SPSB1: variants seen among roughly 807,000 people sequenced by gnomAD.
SPSB1 encodes the protein SPRY domain-containing SOCS box protein 1.
Under a neutral mutation model 21.2 loss-of-function variants are expected in SPSB1, and 8 were observed. The ratio of observed to expected loss-of-function variants is 0.38; its 90% CI spans 0.22 to 0.68. The LOEUF is 0.68. Among genes scored for constraint, SPSB1 ranks in the 30% least tolerant of loss-of-function variants. The pLI, the probability that SPSB1 is intolerant of heterozygous loss-of-function variation, is 0.53. For synonymous variants in SPSB1, 169 were observed against 161.7 expected (o/e 1.05, Z -0.34); for missense variants, 242 against 377.8 (o/e 0.64, Z 2.98).
At chr1:9,355,064 C>T (rs1212224142) in intron 1 of SPSB1, among the ~76,000 whole-genome samples, 4 of 152,182 alleles carry the variant, frequency 2.6e-5, no homozygotes, top group Non-Finnish European at 5.9e-5. Flanking sequence ...TCCCGGGGGT[C>T]GGGGGATGAG....
intron 1 of SPSB1, among the ~76,000 whole-genome samples, chr1:9,326,730 C>T (rs1007738414): frequency 2.0e-5 from 3 of 152,212 alleles, no homozygotes; most frequent in Non-Finnish European, 4.4e-5. Flanking sequence ...CAGCCGTCTT[C>T]CCTCCCACTG....
intron 1 of SPSB1, among the ~76,000 whole-genome samples, chr1:9,343,363 ACCT>A (rs372405560): frequency 0.24 from 36,397 of 151,924 alleles, 4,347 homozygotes; most frequent in Middle Eastern, 0.31. Context: ...ACAATGTGTG[ACCT>A]TTTATATCTG....
Position 9,324,540 on chromosome 1 carries a change from A to C in SPSB1, c.-149-31203A>C, listed in dbSNP as rs1434349123. 1.3e-5 allele frequency among the ~76,000 whole-genome samples: 2 copies of C among 151,888 alleles called. No homozygotes were observed. The highest frequency in any genetic ancestry group is 2.9e-5 in the Non-Finnish European group (2 of 67,970). On this transcript the variant is annotated intron_variant, in intron 1 of 2. Coordinates refer to ENST00000328089, the MANE Select transcript of SPSB1 (RefSeq NM_025106.4). This position sits in a 1 kb window ranked among gnomAD's most constrained non-coding sequence, Gnocchi z 4.3. Reference sequence around the variant, plus strand: ...GGGACTCGGTGTGTCCGATGAGGAAACCAGCTTGGGTGGGGAGGGGGAGTC... The same window carrying C: ...GGGACTCGGTGTGTCCGATGAGGAACCCAGCTTGGGTGGGGAGGGGGAGTC...
chr1:9,368,701 C>T lies in SPSB1; in HGVS notation c.*1126C>T, dbSNP rs1640616602. ...GGAGGGCGAGTGGGTCTCCATTCCC[C>T]GAGAAGCCGGGGGCAGGGTGGGATG... On this transcript the variant is annotated 3_prime_UTR_variant, in exon 3 of 3. Coordinates refer to ENST00000328089, the MANE Select transcript of SPSB1 (RefSeq NM_025106.4). 6.6e-6 allele frequency: 1 copy of T among 152,044 alleles called. No homozygotes were observed. Among genetic ancestry groups the T allele is most frequent in the African/African-American group, 2.4e-5 (1 of 41,454 alleles). The allele number at this position is 152,044 out of a possible 1,614,324, so 9.4% of individuals were successfully genotyped here.
chr1:9,367,322 A>G lies in SPSB1; in HGVS notation c.695-126A>G. On this transcript the variant is annotated intron_variant, in intron 2 of 2. Coordinates refer to ENST00000328089, the MANE Select transcript of SPSB1 (RefSeq NM_025106.4). This position sits in a 1 kb window ranked among gnomAD's most constrained non-coding sequence, Gnocchi z 5.9. ...TAAATTTAAAATGAAAAAGCATTGCATTTTTCATTGTTTCTTTACTGATTT... is the reference window on the plus strand; with the variant it reads ...TAAATTTAAAATGAAAAAGCATTGCGTTTTTCATTGTTTCTTTACTGATTT... 1 of 1,525,810 alleles carries G rather than the reference A, an allele frequency of 6.6e-7. No homozygotes were observed. Among genetic ancestry groups the G allele is most frequent in the Non-Finnish European group, 8.9e-7 (1 of 1,117,984 alleles). 94.5% of individuals were successfully genotyped at this position (1,525,810 alleles called of 1,614,324 possible).
chr1:9,324,052 C>T lies in SPSB1; in HGVS notation c.-150+30981C>T, dbSNP rs1639771243. Among the ~76,000 whole-genome samples the T allele has an allele frequency of 6.6e-6, 1 of 152,224 alleles. No homozygotes were observed. The highest frequency in any genetic ancestry group is 6.5e-5 in the Admixed American group (1 of 15,286). On this transcript the variant is annotated intron_variant, in intron 1 of 2. Coordinates refer to ENST00000328089, the MANE Select transcript of SPSB1 (RefSeq NM_025106.4). This position sits in a 1 kb window ranked among gnomAD's most constrained non-coding sequence, Gnocchi z 4.3. ...TCGGGCCGCAGAACCCCTCCTCAGG[C>T]CAGCCTGGTTGCTCTGAGCCTGGTT...
At chr1:9,319,661 T>C (rs1391254013) in intron 1 of SPSB1, among the ~76,000 whole-genome samples, 1 of 152,142 alleles carries the variant, frequency 6.6e-6, no homozygotes, top group Non-Finnish European at 1.5e-5. Flanking sequence ...GTGCAGAGGA[T>C]GCTGCGGGAG....
chr1:9,300,129 C>T (rs1639303529), intron 1 of SPSB1, among the ~76,000 whole-genome samples: 1 of 152,062 alleles, frequency 6.6e-6, no homozygotes, highest in South Asian at 2.1e-4. Flanking sequence ...GGGACCTTCT[C>T]CCTTAGTGAA....
At chr1:9,313,777 T>A in intron 1 of SPSB1, among the ~76,000 whole-genome samples, 1 of 152,230 alleles carries the variant, frequency 6.6e-6, no homozygotes, top group East Asian at 1.9e-4. Flanking sequence ...CTTCAGTGGC[T>A]GGCCCTCAGC....
At chr1:9,320,457 G>T (rs1639700421) in intron 1 of SPSB1, among the ~76,000 whole-genome samples, 1 of 152,176 alleles carries the variant, frequency 6.6e-6, no homozygotes, top group Non-Finnish European at 1.5e-5. Context: ...ATTTGATTGG[G>T]AGGCCTCTCG....
intron 1 of SPSB1, among the ~76,000 whole-genome samples, chr1:9,300,810 TCTTA>T (rs572255636): frequency 1.5e-3 from 223 of 152,320 alleles, no homozygotes; most frequent in Non-Finnish European, 2.7e-3. Flanking sequence ...GGCCCATGGT[TCTTA>T]CTTTGCCCAC....
intron 1 of SPSB1, among the ~76,000 whole-genome samples, chr1:9,352,096 T>A (rs1371603687): frequency 6.6e-6 from 1 of 151,704 alleles, no homozygotes; most frequent in Non-Finnish European, 1.5e-5. Context: ...GGAGGGAAGG[T>A]GGGTGGAGGT....
At chr1:9,304,057 C>T (rs1273864529) in intron 1 of SPSB1, among the ~76,000 whole-genome samples, 2 of 152,168 alleles carry the variant, frequency 1.3e-5, no homozygotes, top group Non-Finnish European at 2.9e-5. Context: ...GGTCAGCCAC[C>T]GTCCAATCAG....
intron 1 of SPSB1, among the ~76,000 whole-genome samples, chr1:9,349,774 T>G (rs1421007038): frequency 2.0e-5 from 3 of 152,218 alleles, no homozygotes; most frequent in Non-Finnish European, 4.4e-5. Flanking sequence ...CCCACCGTTT[T>G]ATGGCTGTTT....
rs1034904191 is a variant in SPSB1, at chr1:9,318,373, G to A, written c.-150+25302G>A. On this transcript the variant is annotated intron_variant, in intron 1 of 2. Transcript: ENST00000328089. ...AGTGTAGGACCCTGCCTGAGGCACAGCATTTCCAGGCTGCCTTGCGGACAG... is the reference window on the plus strand; with the variant it reads ...AGTGTAGGACCCTGCCTGAGGCACAACATTTCCAGGCTGCCTTGCGGACAG... 1.6e-4 allele frequency among the ~76,000 whole-genome samples: 24 copies of A among 152,264 alleles called. 1 individual carries two copies. Among genetic ancestry groups the A allele is most frequent in the African/African-American group, 5.8e-4 (24 of 41,476 alleles).
rs1428313460 is a variant in SPSB1 at position 9,324,431 on chromosome 1, G to T, written c.-149-31312G>T. Among the ~76,000 whole-genome samples the T allele has an allele frequency of 6.6e-6, 1 of 152,104 alleles. No homozygotes were observed. Among genetic ancestry groups the T allele is most frequent in the Non-Finnish European group, 1.5e-5 (1 of 68,022 alleles). On this transcript the variant is annotated intron_variant, in intron 1 of 2. Transcript: ENST00000328089. The surrounding 1 kb of genome is among the most constrained non-coding windows in gnomAD (Gnocchi z 4.3). ...TGTGATGAGCGTGGGGGCGTCTGGTGCCTGGGTGCACATCCCTGGCTGTCC... is the reference window on the plus strand; with the variant it reads ...TGTGATGAGCGTGGGGGCGTCTGGTTCCTGGGTGCACATCCCTGGCTGTCC...
intron 1 of SPSB1, among the ~76,000 whole-genome samples, chr1:9,329,112 C>T (rs732592): frequency 0.24 from 36,249 of 151,962 alleles, 5,214 homozygotes; most frequent in East Asian, 0.5. Context: ...GACAGGGTGG[C>T]GGGGACAGCC....
At chr1:9,350,612 G>T (rs995571462) in intron 1 of SPSB1, among the ~76,000 whole-genome samples, 1 of 152,192 alleles carries the variant, frequency 6.6e-6, no homozygotes, top group Non-Finnish European at 1.5e-5. Flanking sequence ...GCGTGCATGC[G>T]TGTGTGTGGT....
intron 1 of SPSB1, among the ~76,000 whole-genome samples, chr1:9,309,317 T>A (rs1479484362): frequency 1.3e-5 from 2 of 150,808 alleles, no homozygotes; most frequent in Non-Finnish European, 3.0e-5. Context: ...TGTGTGTGTG[T>A]GTGTGTGTGT....
Sources: allele counts gnomAD v4.1 joint callset (sites outside exome capture counted in the v4.1 genomes callset), GRCh38; gene constraint gnomAD v4.1.1; non-coding constraint Gnocchi (gnomAD v3.1); transcripts MANE v1.5; gene names NCBI Gene and HGNC (gene_info 2026-07-23, HGNC 2026-07-21).